The following RBM47 variants were observed in gnomAD, a reference collection of about 807,000 sequenced individuals.
The protein encoded by RBM47 is RNA binding motif protein 47.
A neutral mutation model predicts 47.1 loss-of-function variants in RBM47; 21 were observed. That is an observed-to-expected ratio of 0.45 (90% confidence interval 0.32 to 0.64). RBM47 has a LOEUF of 0.64. Ranked by LOEUF, RBM47 falls within the 30% of genes least tolerant of loss-of-function variation. The probability of loss-of-function intolerance (pLI) is 0.05; values close to 1 mark genes in which losing one functional copy is unlikely to be tolerated. For synonymous variants in RBM47, 375 were observed against 361.7 expected, an observed-to-expected ratio of 1.04 and a Z score of -0.42; for missense variants, 708 against 870.9, an observed-to-expected ratio of 0.81 and a Z score of 2.35.
At chr4:40,499,519 C>T (rs1723069800) in intron 2 of RBM47, among the ~76,000 whole-genome samples, 1 of 152,218 alleles carries the variant, frequency 6.6e-6, no homozygotes, top group Admixed American at 6.5e-5. Flanking sequence ...AAGTGATTCG[C>T]CTGCCTCAGC....
intron 1 of RBM47, among the ~76,000 whole-genome samples, chr4:40,590,469 G>A (rs1734029812): frequency 6.6e-6 from 1 of 152,076 alleles, no homozygotes; most frequent in South Asian, 2.1e-4. Context: ...CATCTTGGGG[G>A]CCTCCTATTA....
intron 2 of RBM47, among the ~76,000 whole-genome samples, chr4:40,508,824 A>G (rs1380415458): frequency 6.6e-6 from 1 of 152,232 alleles, no homozygotes; most frequent in Non-Finnish European, 1.5e-5. Flanking sequence ...ACAGTCGTGC[A>G]GTTTACTGCC....
At chr4:40,443,126 A>G (rs1713915877) in intron 3 of RBM47, among the ~76,000 whole-genome samples, 1 of 152,182 alleles carries the variant, frequency 6.6e-6, no homozygotes, top group East Asian at 1.9e-4. Flanking sequence ...TCATAGACAG[A>G]AAGTAGACTA....
chr4:40,544,148 A>G (rs1170496550), intron 2 of RBM47: 2 of 152,240 alleles, frequency 1.3e-5, no homozygotes, highest in Non-Finnish European at 2.9e-5. Flanking sequence ...TCATGAAATC[A>G]GTATTAAAAG....
At chr4:40,470,024 C>A (rs1360508495) in intron 2 of RBM47, among the ~76,000 whole-genome samples, 2 of 152,160 alleles carry the variant, frequency 1.3e-5, no homozygotes, top group South Asian at 2.1e-4. Flanking sequence ...TTCCTCCTGA[C>A]ACAATATTGG....
intron 1 of RBM47, among the ~76,000 whole-genome samples, chr4:40,553,750 T>C (rs1729800630): frequency 6.6e-6 from 1 of 152,114 alleles, no homozygotes; most frequent in African/African-American, 2.4e-5. Context: ...AGAAATAAAA[T>C]ATCCCCTGGT....
intron 2 of RBM47, among the ~76,000 whole-genome samples, chr4:40,503,411 G>A (rs1179598221): frequency 6.6e-6 from 1 of 152,176 alleles, no homozygotes; most frequent in Non-Finnish European, 1.5e-5. Context: ...AGTGAAAGAG[G>A]AGGAGTGGGT....
At chr4:40,479,999 C>T (rs543480795) in intron 2 of RBM47, among the ~76,000 whole-genome samples, 7 of 98,954 alleles carry the variant, frequency 7.1e-5, no homozygotes, top group South Asian at 2.9e-4. Context: ...TTTTTTGAGA[C>T]GGAGTCTTAT....
intron 1 of RBM47, among the ~76,000 whole-genome samples, chr4:40,585,908 G>A (rs958314739): frequency 1.3e-5 from 2 of 152,240 alleles, no homozygotes; most frequent in Non-Finnish European, 2.9e-5. Flanking sequence ...ACAGAGCAGA[G>A]TGGGCATTCT....
chr4:40,479,970 T>A (rs1342461446), intron 2 of RBM47, among the ~76,000 whole-genome samples: 1 of 137,126 alleles, frequency 7.3e-6, no homozygotes, highest in Non-Finnish European at 1.5e-5. Flanking sequence ...ACTAGTATCA[T>A]CTCCATTTTT....
At chr4:40,613,175 T>C (rs1736399519) in intron 1 of RBM47, among the ~76,000 whole-genome samples, 1 of 152,124 alleles carries the variant, frequency 6.6e-6, no homozygotes, top group Non-Finnish European at 1.5e-5. Flanking sequence ...TGATTTTTAT[T>C]TTTTTTGCTT....
chr4:40,530,839 C>T (rs761162649), intron 2 of RBM47, among the ~76,000 whole-genome samples: 1 of 152,208 alleles, frequency 6.6e-6, no homozygotes, highest in African/African-American at 2.4e-5. Flanking sequence ...GTGGCTCACA[C>T]CTGCCACCCT....
chr4:40,559,160 T>G (rs1244183024), intron 1 of RBM47, among the ~76,000 whole-genome samples: 1 of 152,182 alleles, frequency 6.6e-6, no homozygotes, highest in Non-Finnish European at 1.5e-5. Context: ...AGTAATGGTT[T>G]TTTCTTTAGA....
chr4:40,492,801 G>A (rs537036429), intron 2 of RBM47, among the ~76,000 whole-genome samples: 77 of 150,480 alleles, frequency 5.1e-4, no homozygotes, highest in Non-Finnish European at 8.6e-4. Flanking sequence ...GTGTGTACGC[G>A]CACACACGAG....
intron 6 of RBM47, among the ~76,000 whole-genome samples, chr4:40,431,428 G>GT (rs1715977126): frequency 6.6e-6 from 1 of 152,162 alleles, no homozygotes; most frequent in East Asian, 1.9e-4. Context: ...GGAGGCCAAG[G>GT]TGGGCGGATC....
At chr4:40,529,794 A>C (rs1268532650) in intron 2 of RBM47, among the ~76,000 whole-genome samples, 1 of 149,980 alleles carries the variant, frequency 6.7e-6, no homozygotes, top group Admixed American at 6.7e-5. Context: ...GTGCCACTGC[A>C]CTCCAGCCTG....
chr4:40,456,539 C>T (rs968915063), intron 3 of RBM47, among the ~76,000 whole-genome samples: 7 of 148,712 alleles, frequency 4.7e-5, no homozygotes, highest in African/African-American at 1.7e-4. Context: ...AGTATTAGTC[C>T]CATTTTCTTT....
chr4:40,485,911 A>T (rs986750507), intron 2 of RBM47, among the ~76,000 whole-genome samples: 6 of 151,356 alleles, frequency 4.0e-5, no homozygotes, highest in African/African-American at 1.2e-4. Context: ...AAAAAAAAAA[A>T]AATACAAACA....
intron 1 of RBM47, among the ~76,000 whole-genome samples, chr4:40,620,945 A>G (rs1326406566): frequency 6.6e-6 from 1 of 151,946 alleles, no homozygotes; most frequent in African/African-American, 2.4e-5. Flanking sequence ...TTGTCTGTGT[A>G]TTTTTTGAAC....
Sources: allele counts gnomAD v4.1 joint callset (sites outside exome capture counted in the v4.1 genomes callset), GRCh38; gene constraint gnomAD v4.1.1; transcripts MANE v1.5; gene names NCBI Gene and HGNC (gene_info 2026-07-23, HGNC 2026-07-21).